LARGE1: variants seen among roughly 807,000 people sequenced by gnomAD.
LARGE1 encodes LARGE xylosyl- and glucuronyltransferase 1.
Under a neutral mutation model 87.6 loss-of-function variants are expected in LARGE1, and 43 were observed. The observed-to-expected ratio is 0.49, with a 90% confidence interval of 0.38 to 0.63. The LOEUF (loss-of-function observed/expected upper bound fraction) is 0.63, where lower values mean the gene tolerates loss of function less well. Among genes scored for constraint, LARGE1 ranks in the 30% least tolerant of loss-of-function variants. LARGE1 has a pLI of 0.00. For missense variants in LARGE1, 802 were observed against 1,000.2 expected (o/e 0.80, Z 2.67); for synonymous variants, 434 against 394.6 (o/e 1.10, Z -1.18).
At chr22:33,812,743 G>C (rs897391132) in intron 1 of LARGE1, among the ~76,000 whole-genome samples, 1 of 152,142 alleles carries the variant, frequency 6.6e-6, no homozygotes, top group Non-Finnish European at 1.5e-5. Context: ...CAGCTGTCCA[G>C]GCCAACAAAG....
chr22:33,921,397 C>T (rs984998695), upstream of LARGE1, among the ~76,000 whole-genome samples: 3 of 152,216 alleles, frequency 2.0e-5, no homozygotes, highest in African/African-American at 2.4e-5. The surrounding 1 kb of genome is among the most constrained non-coding windows in gnomAD (Gnocchi z 4.1). Flanking sequence ...CGGGACGGGC[C>T]CGCAGCTGCC....
chr22:33,561,605 C>CAGTA (rs937817658), intron 6 of LARGE1, among the ~76,000 whole-genome samples: 1 of 152,208 alleles, frequency 6.6e-6, no homozygotes, highest in African/African-American at 2.4e-5. Context: ...ACAGTCCCAA[C>CAGTA]AGTAAGCTAT....
intron 6 of LARGE1, among the ~76,000 whole-genome samples, chr22:33,466,452 G>A (rs1165622363): frequency 1.3e-5 from 2 of 150,294 alleles, no homozygotes; most frequent in Admixed American, 6.6e-5. Context: ...TCTAGGACCT[G>A]GTGGGAATAT....
chr22:33,583,724 C>T (rs1176567700), intron 5 of LARGE1, among the ~76,000 whole-genome samples: 1 of 152,158 alleles, frequency 6.6e-6, no homozygotes, highest in Non-Finnish European at 1.5e-5. Flanking sequence ...TGGGTCCCCC[C>T]CATCCAGTAT....
chr22:33,878,624 G>C (rs1323006926), intron 1 of LARGE1, among the ~76,000 whole-genome samples: 2 of 152,116 alleles, frequency 1.3e-5, no homozygotes, highest in Non-Finnish European at 2.9e-5. Context: ...CTGAGGTCAA[G>C]CGGCTAACAA....
chr22:33,898,878 C>T (rs1227093277), intron 1 of LARGE1, among the ~76,000 whole-genome samples: 1 of 152,222 alleles, frequency 6.6e-6, no homozygotes, highest in Non-Finnish European at 1.5e-5. Flanking sequence ...CCTCCTGCCT[C>T]CTCATTCCCT....
At chr22:33,741,946 T>C (rs928052293) in intron 2 of LARGE1, among the ~76,000 whole-genome samples, 1 of 152,196 alleles carries the variant, frequency 6.6e-6, no homozygotes, top group Non-Finnish European at 1.5e-5. Flanking sequence ...CAGCTTCAGA[T>C]ACCCCACTTT....
chr22:33,453,684 T>C (rs2068027181), intron 6 of LARGE1, among the ~76,000 whole-genome samples: 1 of 152,190 alleles, frequency 6.6e-6, no homozygotes, highest in Non-Finnish European at 1.5e-5. Flanking sequence ...CATCTGTCTT[T>C]CCTGGCTCCT....
chr22:33,433,155 C>A (rs1362256109), intron 6 of LARGE1, among the ~76,000 whole-genome samples: 1 of 152,204 alleles, frequency 6.6e-6, no homozygotes, highest in Non-Finnish European at 1.5e-5. Context: ...CACAAAGGAC[C>A]AGTGACTTGG....
chr22:33,765,211 T>C (rs1336876575), intron 1 of LARGE1, among the ~76,000 whole-genome samples: 1 of 152,172 alleles, frequency 6.6e-6, no homozygotes, highest in Non-Finnish European at 1.5e-5. Context: ...TATACACTAC[T>C]AGTAAGAGGC....
At chr22:33,534,946 A>G (rs1292934623) in intron 6 of LARGE1, among the ~76,000 whole-genome samples, 1 of 152,182 alleles carries the variant, frequency 6.6e-6, no homozygotes, top group Non-Finnish European at 1.5e-5. Flanking sequence ...GGTGGGTTGA[A>G]GCCGAGAGTA....
rs1555881950 is a variant in LARGE1, at chr22:33,199,214, T to TTC, written c.1731-32383_1731-32382insGA. Among the ~76,000 whole-genome samples, 475 of 151,422 alleles carry TTC rather than the reference T, an allele frequency of 3.1e-3. 7 individuals are homozygous for TTC. The highest frequency in any genetic ancestry group is 0.023 in the Admixed American group (357 of 15,242). On this transcript the variant is annotated intron_variant, in intron 11 of 11. Coordinates refer to the LARGE1 transcript ENST00000608642. ...AATAGCGCTGTTTGAGGTTTTTTTT[T>TTC]TTCTTATGGAGTTGTTTGAGCTCCT...
chr22:33,292,167 A>G (rs925795590), intron 12 of LARGE1, among the ~76,000 whole-genome samples: 1 of 152,154 alleles, frequency 6.6e-6, no homozygotes, highest in African/African-American at 2.4e-5. Context: ...CCTCCCAGAC[A>G]ACGAATCTGC....
chr22:33,574,961 T>G (rs190526699), intron 5 of LARGE1, among the ~76,000 whole-genome samples: 103 of 152,154 alleles, frequency 6.8e-4, no homozygotes, highest in African/African-American at 2.3e-3. Context: ...CTCTAATGAT[T>G]TATGGAGGAA....
chr22:33,549,565 AAAG>A (rs1362135215), intron 6 of LARGE1, among the ~76,000 whole-genome samples: 1 of 152,202 alleles, frequency 6.6e-6, no homozygotes, highest in East Asian at 1.9e-4. Flanking sequence ...TTATCTTCTG[AAAG>A]AGGAAATTCA....
At chr22:33,920,492 C>A (rs1280806478), upstream of LARGE1, 1 of 145,190 alleles carries the variant, frequency 6.9e-6, no homozygotes. Flanking sequence ...GGCCGGGCGC[C>A]GAACGCGGCG....
At chr22:33,316,360 T>C in intron 10 of LARGE1, 112 bp from the exon 11 acceptor site, 1 of 969,548 alleles carries the variant, frequency 1.0e-6, no homozygotes, top group Non-Finnish European at 1.6e-6. Context: ...CAGGACGTTG[T>C]TGATGGGTCT....
intron 2 of LARGE1, among the ~76,000 whole-genome samples, chr22:33,716,870 GA>G (rs1469850713): frequency 3.3e-5 from 5 of 152,208 alleles, no homozygotes; most frequent in African/African-American, 9.7e-5. Context: ...ATGAGAAGGC[GA>G]AAAGACCTGC....
chr22:33,205,239 C>T (rs1453126186), intron 11 of LARGE1, among the ~76,000 whole-genome samples: 1 of 152,152 alleles, frequency 6.6e-6, no homozygotes, highest in Non-Finnish European at 1.5e-5. Context: ...TCATCATTTG[C>T]TACATTTTAT....
Sources: gnomAD v4.1 joint callset for allele counts (sites outside exome capture counted in the v4.1 genomes callset) on GRCh38, gnomAD v4.1.1 for gene constraint, Gnocchi (gnomAD v3.1) non-coding constraint, MANE v1.5 for transcripts, NCBI Gene and HGNC (gene_info 2026-07-23, HGNC 2026-07-21) for gene names.